The following ATP13A4 variants were observed in gnomAD, a reference collection of about 807,000 sequenced individuals.
ATP13A4 encodes ATPase 13A4.
In ATP13A4, 114 loss-of-function variants were observed where a neutral mutation model predicts 142.5. That is an observed-to-expected ratio of 0.80 (90% confidence interval 0.69 to 0.93). The LOEUF is 0.93. Ranked by LOEUF, ATP13A4 falls within the 40% of genes least tolerant of loss-of-function variation. The pLI is 0.00. For synonymous variants in ATP13A4, 488 were observed against 514.8 expected, an observed-to-expected ratio of 0.95 and a Z score of 0.70; for missense variants, 1,392 against 1,454.0, an observed-to-expected ratio of 0.96 and a Z score of 0.69.
Position 193,432,439 on chromosome 3 carries a change from C to T in ATP13A4, c.2842+1406G>A, listed in dbSNP as rs139332749. On this transcript the variant is annotated intron_variant, in intron 25 of 29. Transcript: ENST00000342695. ...TTATTTCCACTCAAAAATCTGCACACGGATGTTTATAGCAGCTTTATTTAC... is the reference window on the plus strand; with the variant it reads ...TTATTTCCACTCAAAAATCTGCACATGGATGTTTATAGCAGCTTTATTTAC... Among the ~76,000 whole-genome samples, 855 of 152,150 alleles carry T rather than the reference C, an allele frequency of 5.6e-3. 13 individuals carry two copies. Among genetic ancestry groups the T allele is most frequent in the African/African-American group, 0.019 (792 of 41,556 alleles).
At chr3:193,440,660 AT>A (rs773120369) in intron 20 of ATP13A4, 23 bp from the exon 21 acceptor site, 25 of 1,611,740 alleles carry the variant, frequency 1.6e-5, no homozygotes, top group South Asian at 8.8e-5. Flanking sequence ...CAAAATGGAG[AT>A]TTTTTTATCA....
chr3:193,412,387 A>G lies in ATP13A4; in HGVS notation c.3015-16T>C, dbSNP rs1320905304. ...TGTGCAGGCACTAAAAGGGAAAACC[A>G]AAGAAGCTAATGAAGTAAGATTGCA... On this transcript the variant is annotated splice_polypyrimidine_tract_variant and intron_variant, in intron 26 of 29. Transcript: ENST00000342695. 3 of 1,611,752 alleles carry G rather than the reference A, an allele frequency of 1.9e-6. No individual in the cohort carries two copies. Among genetic ancestry groups the G allele is most frequent in the Non-Finnish European group, 2.5e-6 (3 of 1,178,014 alleles).
rs764755316 is a variant in ATP13A4 at position 193,489,791 on chromosome 3, G to T, written c.677C>A (p.Ala226Asp). Residue 226 changes from alanine to aspartate, a missense_variant, in exon 7 of 30, where the codon GCT becomes GAT. Transcript: ENST00000342695. ...LWFSEDYKEYAFAIIIMSIIS... is the reference protein window; with the variant it reads ...LWFSEDYKEYDFAIIIMSIIS... ...TATGGACATGATTATGATGGCAAAA[G>T]CATATTCCTTATAGTCTTCACTAAA... 2.5e-6 allele frequency: 4 copies of T among 1,610,350 alleles called. No individual in the cohort carries two copies. The highest frequency in any genetic ancestry group is 3.4e-6 in the Non-Finnish European group (4 of 1,176,682).
At chr3:193,574,693 G>A (rs1041205436) in intron 2 of ATP13A4, among the ~76,000 whole-genome samples, 4 of 152,282 alleles carry the variant, frequency 2.6e-5, no homozygotes, top group African/African-American at 9.6e-5. Context: ...TCCAGCCTGG[G>A]TGACAGAGTG....
intron 18 of ATP13A4, among the ~76,000 whole-genome samples, chr3:193,443,985 G>A (rs1305235882): frequency 6.6e-6 from 1 of 151,894 alleles, no homozygotes; most frequent in Non-Finnish European, 1.5e-5. Flanking sequence ...TAGAGTCCAA[G>A]GAGAGGAAAA....
chr3:193,452,951 T>C (rs1278616996), intron 17 of ATP13A4, among the ~76,000 whole-genome samples: 1 of 152,082 alleles, frequency 6.6e-6, no homozygotes, highest in African/African-American at 2.4e-5. Context: ...GAGATTGTAC[T>C]GTTTTTTTCA....
At chr3:193,501,960 T>A (rs1177792672) in intron 3 of ATP13A4, among the ~76,000 whole-genome samples, 1 of 152,090 alleles carries the variant, frequency 6.6e-6, no homozygotes, top group Non-Finnish European at 1.5e-5. Context: ...GGAACGATAC[T>A]ATTAGAGCTA....
In ATP13A4 at chr3:193,470,749, C is replaced by T. The variant is rs929973677; in HGVS notation, c.943+110G>A. The T allele has an allele frequency of 3.3e-6, 5 of 1,527,200 alleles. No individual in the cohort carries two copies. The African/African-American group carries it at 4.1e-5, about 13-fold the overall frequency. The allele number at this position is 1,527,200 out of a possible 1,614,324, so 94.6% of individuals were successfully genotyped here. A position where few individuals can be genotyped will look rare whatever the true frequency, so the allele number is the denominator to read the frequency against. ...CGGGAAGGTCCCATAGCAGCCAGTG[C>T]TTTACAGCCAGCCACTGTCATTCAG... On this transcript the variant is annotated intron_variant, in intron 9 of 29. Coordinates refer to ENST00000342695, the MANE Select transcript of ATP13A4 (RefSeq NM_032279.4).
chr3:193,423,989 C>G (rs1247832842), intron 25 of ATP13A4, among the ~76,000 whole-genome samples: 3 of 149,220 alleles, frequency 2.0e-5, no homozygotes, highest in Non-Finnish European at 4.4e-5. Flanking sequence ...CTTTAGAACC[C>G]AAAATCAACA....
chr3:193,409,338 C>A (rs1194863201), intron 28 of ATP13A4, among the ~76,000 whole-genome samples: 1 of 150,494 alleles, frequency 6.6e-6, no homozygotes, highest in Admixed American at 6.6e-5. Context: ...CTAAAAAGAA[C>A]ACATATTTTT....
intron 18 of ATP13A4, among the ~76,000 whole-genome samples, chr3:193,442,971 A>C (rs1218951518): frequency 6.6e-6 from 1 of 152,210 alleles, no homozygotes; most frequent in African/African-American, 2.4e-5. Flanking sequence ...ACAAAAACCA[A>C]GAAGCAACTC....
intron 17 of ATP13A4, among the ~76,000 whole-genome samples, chr3:193,449,015 T>C (rs1284614096): frequency 1.3e-5 from 2 of 152,146 alleles, no homozygotes; most frequent in African/African-American, 2.4e-5. Context: ...AAAATGCCAG[T>C]TTCTCCAGCA....
chr3:193,538,509 A>AAC (rs1722706198), intron 1 of ATP13A4, among the ~76,000 whole-genome samples: 2 of 143,602 alleles, frequency 1.4e-5, no homozygotes, highest in Admixed American at 1.4e-4. Flanking sequence ...AAAAAAAAAA[A>AAC]AAAAACCCTA....
At chr3:193,573,276 C>CCTATATATATATATATTCTT (rs745558107) in intron 2 of ATP13A4, among the ~76,000 whole-genome samples, 1 of 77,844 alleles carries the variant, frequency 1.3e-5, no homozygotes, top group African/African-American at 6.4e-5. Context: ...TATATATATA[C>CCTATATATATATATATTCTT]ATATATATAT....
chr3:193,572,601 G>A (rs1724292144), intron 2 of ATP13A4, among the ~76,000 whole-genome samples: 2 of 152,114 alleles, frequency 1.3e-5, no homozygotes, highest in Admixed American at 1.3e-4. Context: ...GCGTTTAGTG[G>A]CAAAGGACAG....
At chr3:193,466,267 T>C in intron 10 of ATP13A4, 85 bp from the exon 11 acceptor site, 1 of 1,506,096 alleles carries the variant, frequency 6.6e-7, no homozygotes, top group Non-Finnish European at 9.2e-7. Flanking sequence ...CCTTTGTTTT[T>C]CTCTGCTGAT....
At chr3:193,538,892 CTT>C (rs67132373) in intron 1 of ATP13A4, among the ~76,000 whole-genome samples, 3,212 of 120,758 alleles carry the variant, frequency 0.027, 28 homozygotes, top group Non-Finnish European at 0.031. Context: ...TTGGTTTTTT[CTT>C]TTTTTTTTTT....
intron 2 of ATP13A4, 106 bp from the exon 3 acceptor site, chr3:193,502,745 T>C (rs1164591030): frequency 8.2e-6 from 10 of 1,215,878 alleles, no homozygotes; most frequent in Non-Finnish European, 1.2e-5. Context: ...TGTTTGGCGT[T>C]AGTGAATATT....
intron 1 of ATP13A4, among the ~76,000 whole-genome samples, chr3:193,542,505 G>A (rs1722987582): frequency 6.6e-6 from 1 of 150,718 alleles, no homozygotes; most frequent in Non-Finnish European, 1.5e-5. Context: ...AAAAAAAAAA[G>A]AGTCCCCATA....
Sources: allele counts gnomAD v4.1 joint callset (sites outside exome capture counted in the v4.1 genomes callset), GRCh38; gene constraint gnomAD v4.1.1; transcripts MANE v1.5; gene names NCBI Gene and HGNC (gene_info 2026-07-23, HGNC 2026-07-21).